The following EFCAB5 variants were observed in gnomAD, a reference collection of about 807,000 sequenced individuals.
EFCAB5 encodes the protein EF-hand calcium-binding domain-containing protein 5.
EFCAB5 carries 131 observed loss-of-function variants against 167.9 expected under a neutral mutation model. The observed-to-expected ratio is 0.78, with a 90% confidence interval of 0.68 to 0.90. The LOEUF is 0.90. EFCAB5 is among the 40% of genes least tolerant of loss of function. The pLI, the probability that EFCAB5 is intolerant of heterozygous loss-of-function variation, is 0.00. For missense variants in EFCAB5, 1,663 were observed against 1,745.2 expected, an observed-to-expected ratio of 0.95 and a Z score of 0.84; for synonymous variants, 574 against 602.8, an observed-to-expected ratio of 0.95 and a Z score of 0.70.
chr17:30,000,694 C>G (rs1364874998), intron 7 of EFCAB5, among the ~76,000 whole-genome samples: 1 of 152,110 alleles, frequency 6.6e-6, no homozygotes, highest in Non-Finnish European at 1.5e-5. Context: ...TATACATTTT[C>G]AAAGCTCTGT....
chr17:29,980,027 G>T (rs2068141311), intron 4 of EFCAB5, among the ~76,000 whole-genome samples: 1 of 152,062 alleles, frequency 6.6e-6, no homozygotes, highest in Non-Finnish European at 1.5e-5. Context: ...AAATTAGCTG[G>T]GCATGGTGGT....
chr17:30,084,979 C>T (rs2071059420), intron 18 of EFCAB5, among the ~76,000 whole-genome samples: 1 of 152,076 alleles, frequency 6.6e-6, no homozygotes, highest in South Asian at 2.1e-4. Flanking sequence ...GTCATTGCTT[C>T]CCCCGTCCCC....
chr17:29,934,319 T>G (rs1567664385), intron 1 of EFCAB5, among the ~76,000 whole-genome samples: 1 of 152,234 alleles, frequency 6.6e-6, no homozygotes, highest in Non-Finnish European at 1.5e-5. Context: ...ATCCACATTA[T>G]CACAGGGTAT....
chr17:30,077,435 T>C (rs910105475), intron 14 of EFCAB5, among the ~76,000 whole-genome samples: 2 of 152,088 alleles, frequency 1.3e-5, no homozygotes, highest in Non-Finnish European at 2.9e-5. Flanking sequence ...TATAATAACA[T>C]TGGGAAAATT....
intron 14 of EFCAB5, among the ~76,000 whole-genome samples, chr17:30,076,054 C>T (rs185843682): frequency 6.3e-4 from 96 of 152,196 alleles, no homozygotes; most frequent in African/African-American, 2.1e-3. Context: ...TGAAAAAGTC[C>T]GGTACTAGTT....
chr17:30,053,147 C>G, intron 9 of EFCAB5, 108 bp from the exon 10 acceptor site: 1 of 1,269,378 alleles, frequency 7.9e-7, no homozygotes, highest in Non-Finnish European at 1.1e-6. Flanking sequence ...AGCAATAGGC[C>G]TATATTACAA....
chr17:29,998,853 C>T (rs1213640330), intron 6 of EFCAB5, among the ~76,000 whole-genome samples: 1 of 152,058 alleles, frequency 6.6e-6, no homozygotes, highest in Non-Finnish European at 1.5e-5. Context: ...GTATTTTTCT[C>T]TTGTAAGGTC....
Position 30,096,673 on chromosome 17 carries a change from ATATATTT to A in EFCAB5, c.4321+3739_4321+3745del, listed in dbSNP as rs1227394719. Among the ~76,000 whole-genome samples, 463 of 63,276 alleles carry A rather than the reference ATATATTT, an allele frequency of 7.3e-3. 2 individuals carry two copies. The highest frequency in any genetic ancestry group is 0.028 in the African/African-American group (365 of 13,206). The allele number at this position is 63,276 out of a possible 152,430, so 41.5% of individuals were successfully genotyped here. A position where few individuals can be genotyped will look rare whatever the true frequency, so the allele number is the denominator to read the frequency against. On this transcript the variant is annotated intron_variant, in intron 22 of 22. Coordinates refer to ENST00000394835, the MANE Select transcript of EFCAB5 (RefSeq NM_198529.4). ...AAAGCATATATATATATATATATAT[ATATATTT>A]TTTTTTTTTTTTTTTTTGAGATGGA... is the stretch of plus-strand genomic sequence containing the variant.
Position 30,107,204 on chromosome 17 carries a change from A to T in EFCAB5, c.4322-630A>T, listed in dbSNP as rs148033720. Among the ~76,000 whole-genome samples, 71 of 152,384 alleles carry T rather than the reference A, an allele frequency of 4.7e-4. 1 individual carries two copies. Among genetic ancestry groups the T allele is most frequent in the African/African-American group, 1.7e-3 (70 of 41,596 alleles). On this transcript the variant is annotated intron_variant, in intron 22 of 22. Transcript: ENST00000394835. ...GTTTTCAATTTAAAAAACTTAAAAC[A>T]TATAATGGTGTGCAGTTACTATATA...
chr17:29,937,237 A>G (rs1198708710), upstream of EFCAB5, among the ~76,000 whole-genome samples: 1 of 151,708 alleles, frequency 6.6e-6, no homozygotes, highest in Non-Finnish European at 1.5e-5. Context: ...CCCAGGCTGG[A>G]GTGCAGTGGT....
intron 4 of EFCAB5, among the ~76,000 whole-genome samples, chr17:29,988,516 A>G (rs2068338736): frequency 6.6e-6 from 1 of 152,228 alleles, no homozygotes; most frequent in Non-Finnish European, 1.5e-5. Context: ...CATCTGTAAA[A>G]ACATTCTCAG....
upstream of EFCAB5, among the ~76,000 whole-genome samples, chr17:29,937,393 A>G (rs1658681441): frequency 6.6e-6 from 1 of 151,732 alleles, no homozygotes; most frequent in Non-Finnish European, 1.5e-5. Flanking sequence ...CACCATGTTG[A>G]CCAGGCTGGT....
At chr17:29,930,207 T>C (rs2067165350) in intron 1 of EFCAB5, 1 of 561,386 alleles carries the variant, frequency 1.8e-6, no homozygotes. Context: ...GGGCGGGCGG[T>C]TCCGCAGCTG....
In EFCAB5 at chr17:30,051,198, A is replaced by G. The variant is rs2070085094; in HGVS notation, c.1281A>G (p.Leu427=). ...ATAGTTCACAAATGCTTAGGAGTTT[A>G]CTTCGAAACCCACGACAATGTAAGT... ...YDHSSQMLRS[L]LRNPRQWPFI... The change falls in exon 9 of 23, where the codon TTA becomes TTG. Residue 427 remains leucine (L), a synonymous_variant. Coordinates refer to ENST00000394835, the MANE Select transcript of EFCAB5 (RefSeq NM_198529.4). 2 of 1,614,018 alleles carry G rather than the reference A, an allele frequency of 1.2e-6. No individual in the cohort carries two copies. Among genetic ancestry groups the G allele is most frequent in the South Asian group, 2.2e-5 (2 of 91,084 alleles).
intron 3 of EFCAB5, among the ~76,000 whole-genome samples, chr17:29,960,961 T>A (rs2151558710): frequency 6.6e-6 from 1 of 152,248 alleles, no homozygotes; most frequent in East Asian, 1.9e-4. Context: ...CTGCCAAGTA[T>A]CTGGGACTAC....
At chr17:30,081,089 A>T in intron 17 of EFCAB5, 108 bp downstream of exon 17, 1 of 817,752 alleles carries the variant, frequency 1.2e-6, no homozygotes, top group Non-Finnish European at 1.9e-6. Flanking sequence ...GTATACAGAT[A>T]ACATCATCAT....
chr17:29,986,636 C>CTTTTTTTTTTT (rs1196821046), intron 4 of EFCAB5, among the ~76,000 whole-genome samples: 2 of 87,948 alleles, frequency 2.3e-5, no homozygotes, highest in Non-Finnish European at 2.1e-5. Context: ...GGAGTATATT[C>CTTTTTTTTTTT]ATTTTTTTTT....
intron 14 of EFCAB5, among the ~76,000 whole-genome samples, chr17:30,060,227 A>T (rs1411628579): frequency 7.1e-6 from 1 of 139,894 alleles, no homozygotes; most frequent in Non-Finnish European, 1.7e-5. Flanking sequence ...AAAAAAAATA[A>T]AAAAAAATTT....
At chr17:30,090,951 C>T (rs2071184725) in intron 20 of EFCAB5, among the ~76,000 whole-genome samples, 1 of 152,114 alleles carries the variant, frequency 6.6e-6, no homozygotes, top group South Asian at 2.1e-4. Flanking sequence ...ATTAAATACC[C>T]CCATTATGTG....
Sources: allele counts gnomAD v4.1 joint callset (sites outside exome capture counted in the v4.1 genomes callset), GRCh38; gene constraint gnomAD v4.1.1; transcripts MANE v1.5; gene names NCBI Gene and HGNC (gene_info 2026-07-23, HGNC 2026-07-21).